Variants in SPTBN4 observed in about 807,000 individuals in gnomAD.
SPTBN4 encodes spectrin beta chain, non-erythrocytic 4.
Under a neutral mutation model 277.8 loss-of-function variants are expected in SPTBN4, and 96 were observed. The ratio of observed to expected loss-of-function variants is 0.35; its 90% CI spans 0.29 to 0.41. The LOEUF is 0.41. Ranked by LOEUF, SPTBN4 falls within the 10% of genes least tolerant of loss-of-function variation. The pLI is 1.00. For synonymous variants in SPTBN4, 1,481 were observed against 1,580.3 expected (o/e 0.94, Z 1.49); for missense variants, 3,006 against 3,595.7 (o/e 0.84, Z 4.19).
At position 40,566,342 on chromosome 19, in the gene SPTBN4, C is replaced by T. The variant is rs748820865; in HGVS notation, c.6319C>T (p.Leu2107=). ...AAAWEERFSS[L]RRLTTIEKIK... is the part of the protein sequence containing the mutation. ...AGCCTGGGAAGAGAGGTTCAGCTCT[C>T]TGCGGCGCCTGACCACGGTCAGCTC... Residue 2107 remains leucine, a synonymous_variant, in exon 30 of 36, where the codon CTG becomes TTG. Coordinates refer to ENST00000598249, the MANE Select transcript of SPTBN4 (RefSeq NM_020971.3). 6.4e-7 allele frequency: 1 copy of T among 1,567,390 alleles called. No homozygotes were observed. Among genetic ancestry groups the T allele is most frequent in the Non-Finnish European group, 8.6e-7 (1 of 1,156,390 alleles).
intron 2 of SPTBN4, among the ~76,000 whole-genome samples, chr19:40,476,822 C>T (rs1047310061): frequency 5.9e-5 from 9 of 151,964 alleles, no homozygotes; most frequent in East Asian, 1.9e-4. Context: ...CTCCTGACCG[C>T]GTGATCTGCC....
chr19:40,529,200 A>G (rs2080631764), intron 18 of SPTBN4, 69 bp downstream of exon 18: 259 of 998,636 alleles, frequency 2.6e-4, no homozygotes, highest in Non-Finnish European at 3.2e-4. Context: ...TTCTCGGCCG[A>G]GGTGGGGGTG....
chr19:40,518,822 C>A (rs2080489263), intron 15 of SPTBN4, among the ~76,000 whole-genome samples: 1 of 152,046 alleles, frequency 6.6e-6, no homozygotes, highest in African/African-American at 2.4e-5. Flanking sequence ...CTTGAGCCTG[C>A]GAATTGGAGG....
In SPTBN4 at chr19:40,560,429, C is replaced by T. The variant is rs2081030680; in HGVS notation, c.5915+26C>T. On this transcript the variant is annotated intron_variant, in intron 27 of 35. Transcript: ENST00000598249. The surrounding 1 kb of genome is among the most constrained non-coding windows in gnomAD (Gnocchi z 5.2). ...GTGCCCCTCATCCCTCCTCGGGCTT[C>T]CTGCCTCCCCCTGGTGGCCTACCCC... 3 of 1,613,382 alleles carry T rather than the reference C, an allele frequency of 1.9e-6. No homozygotes were observed. Among genetic ancestry groups the T allele is most frequent in the Non-Finnish European group, 2.5e-6 (3 of 1,179,704 alleles).
At chr19:40,524,389 C>T (rs866083460) in intron 17 of SPTBN4, among the ~76,000 whole-genome samples, 1 of 151,790 alleles carries the variant, frequency 6.6e-6, no homozygotes, top group Admixed American at 6.6e-5. Flanking sequence ...TGCCTGTAGT[C>T]CCAGCTACTC....
At chr19:40,521,101 T>A (rs2080521631) in intron 16 of SPTBN4, among the ~76,000 whole-genome samples, 1 of 152,044 alleles carries the variant, frequency 6.6e-6, no homozygotes, top group African/African-American at 2.4e-5. Flanking sequence ...ATTTTTGTAT[T>A]TTTAGTAGAG....
rs890297576 is a variant in SPTBN4 at position 40,487,505 on chromosome 19, C to T, written c.170-192C>T. Among the ~76,000 whole-genome samples the T allele has an allele frequency of 7.3e-5, 11 of 150,716 alleles. No homozygotes were observed. In the East Asian group the frequency reaches 1.8e-3, roughly 24 times the overall value. On this transcript the variant is annotated intron_variant, in intron 2 of 35. Transcript: ENST00000598249. The stretch of plus-strand genomic sequence containing the variant: ...GGATTATGGGCGCCCGCCACCATGT[C>T]CGGCTGCTTTTTGTATTTTTAGTAG...
chr19:40,478,778 C>A (rs1369513646), intron 2 of SPTBN4, among the ~76,000 whole-genome samples: 2 of 152,104 alleles, frequency 1.3e-5, no homozygotes, highest in Admixed American at 1.3e-4. Context: ...AACTCCTGAC[C>A]TCAAGTGGTC....
chr19:40,565,501 G>A lies in SPTBN4; in HGVS notation c.5994G>A (p.Leu1998=). 6.2e-7 allele frequency: 1 copy of A among 1,614,138 alleles called. No homozygotes were observed. The highest frequency in any genetic ancestry group is 8.5e-7 in the Non-Finnish European group (1 of 1,180,004). Residue 1998 remains leucine, a synonymous_variant, in exon 28 of 36, where the codon CTG becomes CTA. Transcript: ENST00000598249. ...AGCTGGAGGCGCGGGTGCCTGAGCT[G>A]ACCACCTGCCAGGAGCTGGGGCGAT... ...KTELEARVPE[L]TTCQELGRSL... is the part of the protein sequence containing the mutation.
intron 26 of SPTBN4, among the ~76,000 whole-genome samples, chr19:40,558,948 A>ATTG (rs1489003547): frequency 1.4e-5 from 2 of 139,142 alleles, no homozygotes; most frequent in Non-Finnish European, 3.1e-5. Flanking sequence ...TATTATTATT[A>ATTG]TGAGGCAGAG....
rs933044320 is a variant in SPTBN4, at chr19:40,515,526, A to G, written c.2903+78A>G. The G allele has an allele frequency of 6.4e-6, 9 of 1,400,192 alleles. No homozygotes were observed. The African/African-American group carries it at 8.9e-5, about 14-fold the overall frequency. 86.7% of individuals were successfully genotyped at this position (1,400,192 alleles called of 1,614,324 possible). On this transcript the variant is annotated intron_variant, in intron 15 of 35. Coordinates refer to ENST00000598249, the MANE Select transcript of SPTBN4 (RefSeq NM_020971.3). This position sits in a 1 kb window ranked among gnomAD's most constrained non-coding sequence, Gnocchi z 4.1. The stretch of plus-strand genomic sequence containing the variant: ...ACAGCCATGGACAGCAAGATGTGCA[A>G]TCTCAAACCCCTGGAATCATAATGG...
intron 2 of SPTBN4, among the ~76,000 whole-genome samples, chr19:40,479,923 G>A (rs2079991210): frequency 6.6e-6 from 1 of 150,466 alleles, no homozygotes; most frequent in South Asian, 2.1e-4. Context: ...GCAACATAGA[G>A]AGACCCCGTC....
intron 19 of SPTBN4, among the ~76,000 whole-genome samples, 171 bp downstream of exon 19, chr19:40,532,942 A>C (rs2080695167): frequency 6.6e-6 from 1 of 152,168 alleles, no homozygotes; most frequent in South Asian, 2.1e-4. Context: ...GATTCATGTA[A>C]CATCTTTGAG....
At chr19:40,549,704 T>A (rs1770555185) in intron 21 of SPTBN4, among the ~76,000 whole-genome samples, 1 of 152,236 alleles carries the variant, frequency 6.6e-6, no homozygotes, top group African/African-American at 2.4e-5. Context: ...TGTTCCTCAT[T>A]CCATCACTCA....
At chr19:40,522,728 A>G (rs906057088) in intron 16 of SPTBN4, among the ~76,000 whole-genome samples, 2 of 152,192 alleles carry the variant, frequency 1.3e-5, no homozygotes, top group Non-Finnish European at 2.9e-5. Flanking sequence ...CTCAGGCAAC[A>G]AAATACAAAA....
chr19:40,478,459 A>G (rs1036852642), intron 2 of SPTBN4, among the ~76,000 whole-genome samples: 1 of 152,158 alleles, frequency 6.6e-6, no homozygotes, highest in East Asian at 1.9e-4. Flanking sequence ...GAGCCCAGGA[A>G]TTGAAGGCAG....
intron 2 of SPTBN4, 24 bp from the exon 3 acceptor site, chr19:40,487,673 G>T: frequency 6.3e-7 from 1 of 1,596,918 alleles, no homozygotes; most frequent in Non-Finnish European, 8.5e-7. Context: ...AGCGCCTGGG[G>T]GCTCATCAGG....
intron 15 of SPTBN4, among the ~76,000 whole-genome samples, chr19:40,516,480 T>A (rs1053810612): frequency 4.0e-5 from 6 of 151,740 alleles, no homozygotes; most frequent in South Asian, 2.1e-4. Flanking sequence ...TTAAAAAAAA[T>A]TTTTTTTGTA....
In SPTBN4 at chr19:40,503,924, A is replaced by T; in HGVS notation, c.1457A>T (p.Gln486Leu). Residue 486 changes from glutamine (Q) to leucine (L), a missense_variant, in exon 12 of 36, where the codon CAG becomes CTG. By Grantham distance (113) the Gln-to-Leu change is moderately radical (BLOSUM62 -2). Around this residue, in one of 5 missense-constraint regions of SPTBN4, gnomAD observed 1,759 missense variants for 2,061.5 expected, o/e 0.85. Transcript: ENST00000598249. ...ATTGCGGCCTACGAGGAGCGGGTGC[A>T]GGGTGTGGCGGAGCTGGCCCAGGCA... ...ADIAAYEERV[Q>L]GVAELAQALA... 6.2e-7 allele frequency: 1 copy of T among 1,613,896 alleles called. No homozygotes were observed. The highest frequency in any genetic ancestry group is 1.7e-4 in the Middle Eastern group (1 of 6,060).
Sources: allele counts gnomAD v4.1 joint callset (sites outside exome capture counted in the v4.1 genomes callset), GRCh38; gene constraint gnomAD v4.1.1; regional missense constraint gnomAD v4.1.1; non-coding constraint Gnocchi (gnomAD v3.1); transcripts MANE v1.5; gene names NCBI Gene and HGNC (gene_info 2026-07-23, HGNC 2026-07-21).